The following ZNF385D variants were observed in gnomAD, a reference collection of about 807,000 sequenced individuals.
ZNF385D encodes zinc finger protein 385D.
A neutral mutation model predicts 35.8 loss-of-function variants in ZNF385D; 15 were observed. That is an observed-to-expected ratio of 0.42 (90% confidence interval 0.28 to 0.64). The LOEUF is 0.64. ZNF385D is among the 30% of genes least tolerant of loss of function. ZNF385D has a pLI of 0.23. For missense variants in ZNF385D, 474 were observed against 494.6 expected, an observed-to-expected ratio of 0.96 and a Z score of 0.39; for synonymous variants, 212 against 186.8, an observed-to-expected ratio of 1.13 and a Z score of -1.10.
At chr3:22,352,512 C>T (rs929960605) in intron 2 of ZNF385D, among the ~76,000 whole-genome samples, 1 of 152,180 alleles carries the variant, frequency 6.6e-6, no homozygotes, top group African/African-American at 2.4e-5. Context: ...TCTTGGATTT[C>T]AAATTAAGAG....
intron 2 of ZNF385D, among the ~76,000 whole-genome samples, chr3:21,580,843 CT>C (rs1190089703): frequency 6.6e-6 from 1 of 151,728 alleles, no homozygotes; most frequent in Non-Finnish European, 1.5e-5. Context: ...TATTTCTGTG[CT>C]GATTTATGTA....
intron 3 of ZNF385D, among the ~76,000 whole-genome samples, chr3:21,892,964 G>A (rs766293140): frequency 6.6e-6 from 1 of 152,166 alleles, no homozygotes; most frequent in Non-Finnish European, 1.5e-5. Flanking sequence ...TTGCGTGTAT[G>A]TATTTGGTCC....
intron 3 of ZNF385D, among the ~76,000 whole-genome samples, chr3:21,771,076 A>T (rs1450103623): frequency 1.9e-5 from 2 of 107,324 alleles, no homozygotes; most frequent in Non-Finnish European, 3.5e-5. Flanking sequence ...AACATCACAC[A>T]CTGGGGCCTG....
intron 3 of ZNF385D, among the ~76,000 whole-genome samples, chr3:21,542,216 A>G (rs1369538226): frequency 6.6e-6 from 1 of 152,234 alleles, no homozygotes; most frequent in Admixed American, 6.5e-5. Context: ...TCAGTTACTT[A>G]GGATATGAAT....
At chr3:22,354,469 A>C (rs1696059798) in intron 2 of ZNF385D, among the ~76,000 whole-genome samples, 1 of 152,104 alleles carries the variant, frequency 6.6e-6, no homozygotes, top group African/African-American at 2.4e-5. Context: ...TAAAAATTTA[A>C]TTATCTCCAA....
At chr3:21,955,233 T>C (rs960382322) in intron 3 of ZNF385D, among the ~76,000 whole-genome samples, 11 of 152,260 alleles carry the variant, frequency 7.2e-5, no homozygotes, top group Admixed American at 3.3e-4. Context: ...CTTATCCTTC[T>C]TGCTGGCTCT....
intron 2 of ZNF385D, among the ~76,000 whole-genome samples, chr3:22,194,767 C>G (rs878871200): frequency 6.6e-6 from 1 of 151,940 alleles, no homozygotes; most frequent in South Asian, 2.1e-4. Flanking sequence ...CCCTTTGAGA[C>G]TGGCTTTTTA....
intron 2 of ZNF385D, among the ~76,000 whole-genome samples, chr3:22,205,957 T>G (rs62246461): frequency 6.6e-6 from 1 of 151,700 alleles, no homozygotes; most frequent in African/African-American, 2.4e-5. Context: ...TCAAAAGACA[T>G]AGAGTGGCTG....
At chr3:21,979,814 T>C (rs1482444738) in intron 3 of ZNF385D, 2 of 152,160 alleles carry the variant, frequency 1.3e-5, no homozygotes, top group Admixed American at 1.3e-4. Flanking sequence ...CCAAATGAAC[T>C]TGTGTTTCAA....
chr3:21,880,447 C>G (rs945809859), intron 3 of ZNF385D, among the ~76,000 whole-genome samples: 4 of 151,896 alleles, frequency 2.6e-5, no homozygotes, highest in Non-Finnish European at 5.9e-5. Flanking sequence ...CTTAATGTTA[C>G]TATTGTAATG....
chr3:21,579,975 A>ATG (rs2063606295), intron 2 of ZNF385D: 1 of 152,020 alleles, frequency 6.6e-6, no homozygotes, highest in Non-Finnish European at 1.5e-5. Context: ...TCATATTCTG[A>ATG]TGTACTGTAG....
intron 2 of ZNF385D, among the ~76,000 whole-genome samples, chr3:22,288,271 G>A (rs1702127589): frequency 6.6e-6 from 1 of 152,018 alleles, no homozygotes; most frequent in Non-Finnish European, 1.5e-5. Context: ...CTTCTTATAT[G>A]TGGACTTCTA....
chr3:22,123,922 A>ATCTCTCTCTCTCTC (rs34781505), intron 3 of ZNF385D, among the ~76,000 whole-genome samples: 14 of 80,284 alleles, frequency 1.7e-4, no homozygotes, highest in Non-Finnish European at 2.3e-4. Context: ...GCTAGACTCC[A>ATCTCTCTCTCTCTC]TCTCTCTCTC....
intron 2 of ZNF385D, among the ~76,000 whole-genome samples, chr3:22,243,958 A>G (rs992257601): frequency 2.0e-5 from 3 of 150,932 alleles, no homozygotes; most frequent in African/African-American, 7.4e-5. Context: ...TATTATATAT[A>G]TTTCATAAGT....
intron 3 of ZNF385D, among the ~76,000 whole-genome samples, chr3:21,980,014 T>G (rs1189565493): frequency 1.3e-5 from 2 of 152,308 alleles, no homozygotes; most frequent in East Asian, 3.9e-4. Flanking sequence ...CTTTCAAGAC[T>G]AGGCCATAAA....
chr3:22,341,113 C>T (rs1194392143), intron 2 of ZNF385D, among the ~76,000 whole-genome samples: 1 of 152,174 alleles, frequency 6.6e-6, no homozygotes, highest in African/African-American at 2.4e-5. Flanking sequence ...GTTCTGGAAA[C>T]ATCAAAGATT....
chr3:22,309,291 A>G (rs199627025), intron 2 of ZNF385D, among the ~76,000 whole-genome samples: 16 of 151,300 alleles, frequency 1.1e-4, no homozygotes, highest in African/African-American at 3.6e-4. Context: ...ACTTGTAATT[A>G]TTTATCTCTG....
intron 3 of ZNF385D, among the ~76,000 whole-genome samples, chr3:21,859,952 G>C (rs1696957936): frequency 6.6e-6 from 1 of 151,390 alleles, no homozygotes; most frequent in Non-Finnish European, 1.5e-5. Flanking sequence ...GCTGAAATGG[G>C]GAAATAATTT....
intron 2 of ZNF385D, among the ~76,000 whole-genome samples, chr3:22,315,165 C>A (rs780934876): frequency 6.6e-6 from 1 of 152,128 alleles, no homozygotes; most frequent in Non-Finnish European, 1.5e-5. Context: ...AGCAGGACTT[C>A]TGCAAAAGAA....
Sources: allele counts gnomAD v4.1 joint callset (sites outside exome capture counted in the v4.1 genomes callset), GRCh38; gene constraint gnomAD v4.1.1; transcripts MANE v1.5; gene names NCBI Gene and HGNC (gene_info 2026-07-23, HGNC 2026-07-21).